Variants in TAFA1 observed in about 807,000 individuals in gnomAD.
TAFA1 encodes chemokine-like protein TAFA-1.
TAFA1 carries 4 observed loss-of-function variants against 18.5 expected under a neutral mutation model. The ratio of observed to expected loss-of-function variants is 0.22; its 90% CI spans 0.11 to 0.49. The LOEUF (loss-of-function observed/expected upper bound fraction) is 0.49. TAFA1 is among the 20% of genes least tolerant of loss of function. The pLI is 0.98. For synonymous variants in TAFA1, 56 were observed against 55.2 expected (o/e 1.01, Z -0.06); for missense variants, 147 against 169.0 (o/e 0.87, Z 0.72).
At chr3:68,262,572 T>A (rs1001430009) in intron 2 of TAFA1, among the ~76,000 whole-genome samples, 1 of 152,006 alleles carries the variant, frequency 6.6e-6, no homozygotes, top group East Asian at 1.9e-4. Context: ...CTTGGAATAA[T>A]GGCCTCCAGC....
chr3:68,128,200 C>G (rs1237181190), intron 2 of TAFA1, among the ~76,000 whole-genome samples: 2 of 152,136 alleles, frequency 1.3e-5, no homozygotes, highest in African/African-American at 4.8e-5. Flanking sequence ...TCTCCAGAGG[C>G]TACACACTTA....
At chr3:68,140,599 T>G (rs2065657804) in intron 2 of TAFA1, among the ~76,000 whole-genome samples, 1 of 152,184 alleles carries the variant, frequency 6.6e-6, no homozygotes, top group African/African-American at 2.4e-5. Context: ...GACTTCCAAC[T>G]TTGATCAAGT....
At chr3:68,387,643 TTC>T (rs2070133263) in intron 2 of TAFA1, among the ~76,000 whole-genome samples, 1 of 152,140 alleles carries the variant, frequency 6.6e-6, no homozygotes, top group East Asian at 1.9e-4. Context: ...TTCCCAGATT[TTC>T]TGTTTCCTTT....
In TAFA1 at chr3:68,370,506, A is replaced by ATATATG. The variant is rs2069682409; in HGVS notation, c.119-46769_119-46768insGTATAT. 1.3e-4 allele frequency among the ~76,000 whole-genome samples: 10 copies of ATATATG among 75,106 alleles called. 1 individual carries two copies. Among genetic ancestry groups the ATATATG allele is most frequent in the Middle Eastern group, 0.019 (2 of 108 alleles). 49.3% of individuals were successfully genotyped at this position (75,106 alleles called of 152,430 possible). ...TATATATATATATATATATATATATATATATATATACCCACATATGTATTT... is the reference window on the plus strand; with the variant it reads ...TATATATATATATATATATATATATATATATGTATATATATACCCACATATGTATTT... On this transcript the variant is annotated intron_variant, in intron 2 of 4. Transcript: ENST00000478136.
intron 2 of TAFA1, among the ~76,000 whole-genome samples, chr3:68,136,397 T>A (rs2065608182): frequency 6.6e-6 from 1 of 152,168 alleles, no homozygotes; most frequent in South Asian, 2.1e-4. Context: ...AAAGTAAAGG[T>A]ACACCCACAA....
At chr3:68,167,659 G>GTAAGGAATCTGCATTTT (rs1208630317) in intron 2 of TAFA1, among the ~76,000 whole-genome samples, 8 of 151,692 alleles carry the variant, frequency 5.3e-5, no homozygotes, top group Admixed American at 2.0e-4. Flanking sequence ...ACACTATGTA[G>GTAAGGAATCTGCATTTT]TAAGGAATCT....
At chr3:68,387,061 T>G (rs577603546) in intron 2 of TAFA1, among the ~76,000 whole-genome samples, 1 of 149,470 alleles carries the variant, frequency 6.7e-6, no homozygotes, top group Non-Finnish European at 1.5e-5. Flanking sequence ...CTAATTTTAT[T>G]TTTTTTTTTG....
chr3:68,152,989 G>A (rs1472921285), intron 2 of TAFA1, among the ~76,000 whole-genome samples: 3 of 152,226 alleles, frequency 2.0e-5, no homozygotes, highest in East Asian at 1.9e-4. Flanking sequence ...TGAACTGAGA[G>A]TAAGGGAGGC....
At chr3:68,344,485 C>T (rs1371830495) in intron 2 of TAFA1, among the ~76,000 whole-genome samples, 1 of 152,126 alleles carries the variant, frequency 6.6e-6, no homozygotes. Context: ...CAAGGAATTC[C>T]AGAGTACAGA....
At chr3:68,156,483 T>G (rs1051603801) in intron 2 of TAFA1, among the ~76,000 whole-genome samples, 2 of 152,188 alleles carry the variant, frequency 1.3e-5, no homozygotes, top group African/African-American at 4.8e-5. Context: ...ATGACTTTGC[T>G]AGGCCTCAGT....
intron 2 of TAFA1, among the ~76,000 whole-genome samples, chr3:68,390,859 C>A (rs1361787290): frequency 6.6e-6 from 1 of 152,096 alleles, no homozygotes; most frequent in Admixed American, 6.6e-5. Context: ...TGAAGGTCAC[C>A]AAAATCAAAG....
chr3:68,435,154 C>T (rs933446800), intron 3 of TAFA1, among the ~76,000 whole-genome samples: 17 of 152,030 alleles, frequency 1.1e-4, no homozygotes, highest in African/African-American at 4.1e-4. Flanking sequence ...GAACTAACAT[C>T]CAGTCTGGGA....
chr3:68,536,830 C>A (rs2073285386), intron 3 of TAFA1, among the ~76,000 whole-genome samples: 1 of 152,094 alleles, frequency 6.6e-6, no homozygotes, highest in African/African-American at 2.4e-5. Context: ...ATCAGAGGCT[C>A]AACTTTTGAT....
At chr3:68,129,069 G>C (rs1339069079) in intron 2 of TAFA1, among the ~76,000 whole-genome samples, 1 of 152,192 alleles carries the variant, frequency 6.6e-6, no homozygotes, top group African/African-American at 2.4e-5. Context: ...GTTGGGCTAA[G>C]TACTTGACTG....
At chr3:68,360,974 T>A (rs746790096) in intron 2 of TAFA1, among the ~76,000 whole-genome samples, 6 of 152,010 alleles carry the variant, frequency 3.9e-5, no homozygotes, top group Non-Finnish European at 5.9e-5. Context: ...TGACGATGGA[T>A]AAAGTGTGGT....
intron 2 of TAFA1, among the ~76,000 whole-genome samples, chr3:68,028,557 G>C (rs544068603): frequency 1.3e-5 from 2 of 152,062 alleles, no homozygotes; most frequent in East Asian, 3.9e-4. Context: ...TGAAATCAAG[G>C]TGTCAGCAGG....
intron 2 of TAFA1, among the ~76,000 whole-genome samples, chr3:68,341,137 A>C (rs1026418587): frequency 6.6e-6 from 1 of 152,222 alleles, no homozygotes; most frequent in Non-Finnish European, 1.5e-5. Flanking sequence ...AGTAATTCAC[A>C]CAGAGGTGGC....
intron 2 of TAFA1, among the ~76,000 whole-genome samples, chr3:68,193,810 T>G (rs2066377675): frequency 6.6e-6 from 1 of 151,748 alleles, no homozygotes; most frequent in Non-Finnish European, 1.5e-5. Context: ...TAGTCAGGTT[T>G]CTGCCGCCCT....
intron 2 of TAFA1, among the ~76,000 whole-genome samples, chr3:68,292,692 T>C (rs544695063): frequency 6.6e-6 from 1 of 152,220 alleles, no homozygotes; most frequent in East Asian, 1.9e-4. Context: ...CACACCTGGC[T>C]AATTGTTTTG....
Sources: allele counts gnomAD v4.1 joint callset (sites outside exome capture counted in the v4.1 genomes callset), GRCh38; gene constraint gnomAD v4.1.1; transcripts MANE v1.5; gene names NCBI Gene and HGNC (gene_info 2026-07-23, HGNC 2026-07-21).